CST1: variants seen among roughly 807,000 people sequenced by gnomAD.
CST1 encodes cystatin-SN.
In CST1, 19 loss-of-function variants were observed where a neutral mutation model predicts 10.7. The observed-to-expected ratio is 1.78, with a 90% CI of 1.24 to 2.61. The LOEUF is 2.61. Among genes scored for constraint, CST1 ranks in the 30% most tolerant of loss-of-function variants. The pLI is 0.00. For missense variants in CST1, 247 were observed against 178.1 expected (o/e 1.39, Z -2.20); for synonymous variants, 95 against 72.8 (o/e 1.31, Z -1.55).
Position 23,750,666 on chromosome 20 carries a change from C to T in CST1, c.201G>A (p.Pro67=), listed in dbSNP as rs766339492. The change falls in exon 1 of 3, where the codon CCG becomes CCA. Residue 67 remains proline (P), a synonymous_variant. Transcript: ENST00000304749. ...GTTGCCTGGCTCTTAGTACCCGCAG[C>T]GGACGTCTGTAGTAGTCATCTTTGG... ...KATKDDYYRR[P]LRVLRARQQT... 22 of 1,613,774 alleles carry T rather than the reference C, an allele frequency of 1.4e-5. No homozygotes were observed. Among genetic ancestry groups the T allele is most frequent in the South Asian group, 4.4e-5 (4 of 91,072 alleles).
chr20:23,748,899 G>A (rs4268993), intron 2 of CST1, 117 bp downstream of exon 2: 459,601 of 706,330 alleles, frequency 0.65, 161,077 homozygotes, highest in African/African-American at 0.86. Flanking sequence ...TGCATACACG[G>A]CTCCCCACAT....
chr20:23,750,842 G>A lies in CST1; in HGVS notation c.25C>T (p.Leu9=), dbSNP rs1187888666. The A allele has an allele frequency of 8.7e-6, 14 of 1,613,256 alleles. No individual in the cohort carries two copies. The highest frequency in any genetic ancestry group is 1.2e-5 in the Non-Finnish European group (14 of 1,179,612). Residue 9 remains leucine (L), a synonymous_variant, in exon 1 of 3, where the codon CTG becomes TTG. Transcript: ENST00000304749. MAQYLSTL[L]LLLATLAVAL... ...ACAGCTAGGGTGGCCAGCAGGAGCA[G>A]CAGGGTACTCAGATACTGGGCCATG...
intron 1 of CST1, among the ~76,000 whole-genome samples, chr20:23,749,948 A>G (rs376656417): frequency 6.6e-6 from 1 of 150,982 alleles, no homozygotes; most frequent in Admixed American, 6.6e-5. Context: ...TTCCAGGAGA[A>G]GGTGGAGGAG....
Position 23,749,003 on chromosome 20 carries a change from A to G in CST1, c.342+13T>C. 1 of 1,614,162 alleles carries G rather than the reference A, an allele frequency of 6.2e-7. No individual in the cohort carries two copies. Among genetic ancestry groups the G allele is most frequent in the Non-Finnish European group, 8.5e-7 (1 of 1,180,034 alleles). On this transcript the variant is annotated intron_variant, in intron 2 of 2. Coordinates refer to ENST00000304749, the MANE Select transcript of CST1 (RefSeq NM_001898.3). ...AGTGCATGACTGGCCCGGGACCTGC[A>G]TCAGGAACGTACCTTCTGCAGTTCT...
Position 23,750,637 on chromosome 20 carries a change from A to G in CST1, c.228+2T>C. 1.2e-6 allele frequency: 2 copies of G among 1,613,652 alleles called. No individual in the cohort carries two copies. The highest frequency in any genetic ancestry group is 1.7e-6 in the Non-Finnish European group (2 of 1,179,914). ...GACCCCTGGGGTGGAGGGAGCACCT[A>G]CCTGTTGCCTGGCTCTTAGTACCCG... On this transcript the variant is annotated splice_donor_variant, in intron 1 of 2. Coordinates refer to ENST00000304749, the MANE Select transcript of CST1 (RefSeq NM_001898.3). LOFTEE classifies it high-confidence loss of function.
chr20:23,747,737 G>A lies in CST1; in HGVS notation c.*79C>T, dbSNP rs1982700474. ...CATGGGGAGGCCTCCCGCAGGGTGGGGGCCACCAGTCCAGGGGTGGGAGCA... is the reference window on the plus strand; with the variant it reads ...CATGGGGAGGCCTCCCGCAGGGTGGAGGCCACCAGTCCAGGGGTGGGAGCA... On this transcript the variant is annotated 3_prime_UTR_variant, in exon 3 of 3. Coordinates refer to ENST00000304749, the MANE Select transcript of CST1 (RefSeq NM_001898.3). 1.4e-6 allele frequency: 2 copies of A among 1,413,434 alleles called. No homozygotes were observed. The highest frequency in any genetic ancestry group is 1.2e-5 in the South Asian group (1 of 81,614). The allele number at this position is 1,413,434 out of a possible 1,614,324, so 87.6% of individuals were successfully genotyped here. A position where few individuals can be genotyped will look rare whatever the true frequency, so the allele number is the denominator to read the frequency against.
At chr20:23,749,838 C>T (rs369376593) in intron 1 of CST1, among the ~76,000 whole-genome samples, 34 of 149,694 alleles carry the variant, frequency 2.3e-4, no homozygotes, top group African/African-American at 7.2e-4. Context: ...TGCAGGCCAG[C>T]GGGGACCACG....
intron 2 of CST1, 97 bp from the exon 3 acceptor site, chr20:23,747,996 A>G: frequency 1.6e-6 from 2 of 1,233,856 alleles, no homozygotes; most frequent in Non-Finnish European, 2.4e-6. Context: ...AGGAGGATGG[A>G]GGTGAGACAC....
At chr20:23,749,228 A>T (rs540466158) in intron 1 of CST1, 99 bp from the exon 2 acceptor site, 1 of 914,392 alleles carries the variant, frequency 1.1e-6, no homozygotes, top group South Asian at 1.5e-5. Flanking sequence ...GGGCTTCGTG[A>T]GCTGCCCACA....
At chr20:23,750,334 C>T (rs958522005) in intron 1 of CST1, among the ~76,000 whole-genome samples, 4 of 152,164 alleles carry the variant, frequency 2.6e-5, no homozygotes, top group African/African-American at 9.7e-5. Flanking sequence ...GCCTGGATCT[C>T]ATCCTGAGCA....
chr20:23,750,484 G>A (rs749563474), intron 1 of CST1, among the ~76,000 whole-genome samples, 155 bp downstream of exon 1: 9 of 152,252 alleles, frequency 5.9e-5, no homozygotes, highest in Non-Finnish European at 8.8e-5. Context: ...AGCGTGCTTA[G>A]GCATGAAGGG....
intron 2 of CST1, among the ~76,000 whole-genome samples, chr20:23,748,119 C>T (rs545652181): frequency 1.3e-5 from 2 of 152,152 alleles, no homozygotes; most frequent in South Asian, 4.1e-4. Context: ...GGACCCCACC[C>T]CAGCCTGCAG....
At chr20:23,750,598 A>C (rs199700673) in intron 1 of CST1, 41 bp downstream of exon 1, 1 of 1,588,786 alleles carries the variant, frequency 6.3e-7, no homozygotes, top group East Asian at 2.2e-5. Context: ...GGAACAAACC[A>C]GGCTGGGACC....
chr20:23,748,813 T>C (rs944772870), intron 2 of CST1, among the ~76,000 whole-genome samples: 2 of 151,882 alleles, frequency 1.3e-5, no homozygotes, highest in African/African-American at 4.8e-5. Flanking sequence ...GGCACAGGTG[T>C]GTACACACGT....
chr20:23,748,370 A>G (rs1982729229), intron 2 of CST1, among the ~76,000 whole-genome samples: 1 of 152,156 alleles, frequency 6.6e-6, no homozygotes, highest in African/African-American at 2.4e-5. Flanking sequence ...AGACCTCACA[A>G]GAACCAGCAG....
At position 23,750,913 on chromosome 20, in the gene CST1, G is replaced by A. The variant is rs1982824735; in HGVS notation, c.-47C>T. On this transcript the variant is annotated 5_prime_UTR_variant, in exon 1 of 3. Transcript: ENST00000304749. ...CAAAGCTGGAGCTGCAGGAGAGGAG[G>A]GTGAGAGCCCGAGGCAGGGAGCCCA... 1 of 1,517,954 alleles carries A rather than the reference G, an allele frequency of 6.6e-7. No homozygotes were observed. The highest frequency in any genetic ancestry group is 9.0e-7 in the Non-Finnish European group (1 of 1,116,436). The allele number at this position is 1,517,954 out of a possible 1,614,324, so 94.0% of individuals were successfully genotyped here.
Position 23,750,696 on chromosome 20 carries a change from C to T in CST1, c.171G>A (p.Lys57=). Residue 57 remains lysine (K), a synonymous_variant, in exon 1 of 3, where the codon AAG becomes AAA. Transcript: ENST00000304749. ...GTCTGTAGTAGTCATCTTTGGTGGC[C>T]TTGTTATACTCGCTGATGGCGAAGT... ...ALHFAISEYN[K]ATKDDYYRRP... is the part of the protein sequence containing the mutation. 1 of 1,614,108 alleles carries T rather than the reference C, an allele frequency of 6.2e-7. No homozygotes were observed. Among genetic ancestry groups the T allele is most frequent in the Non-Finnish European group, 8.5e-7 (1 of 1,180,032 alleles).
intron 1 of CST1, 25 bp from the exon 2 acceptor site, chr20:23,749,154 G>C: frequency 1.9e-6 from 3 of 1,610,636 alleles, no homozygotes; most frequent in Non-Finnish European, 2.5e-6. Flanking sequence ...AAACAGGACA[G>C]CGCCCCCATC....
rs932961154 is a variant in CST1, at chr20:23,748,009, G to A, written c.343-110C>T. 20 of 1,034,836 alleles carry A rather than the reference G, an allele frequency of 1.9e-5. No individual in the cohort carries two copies. In the African/African-American group the frequency reaches 2.8e-4, roughly 15 times the overall value. 64.1% of individuals were successfully genotyped at this position (1,034,836 alleles called of 1,614,324 possible). On this transcript the variant is annotated intron_variant, in intron 2 of 2. Coordinates refer to ENST00000304749, the MANE Select transcript of CST1 (RefSeq NM_001898.3). ...TGAGGAGGATGGAGGTGAGACACTGGGCCCTCACCCACCCCTACTGAGTCC... is the reference window on the plus strand; with the variant it reads ...TGAGGAGGATGGAGGTGAGACACTGAGCCCTCACCCACCCCTACTGAGTCC...
Sources: gnomAD v4.1 joint callset for allele counts (sites outside exome capture counted in the v4.1 genomes callset) on GRCh38, gnomAD v4.1.1 for gene constraint, MANE v1.5 for transcripts, NCBI Gene and HGNC (gene_info 2026-07-23, HGNC 2026-07-21) for gene names.